Variants in ATP6V1H observed in about 807,000 individuals in gnomAD.
ATP6V1H encodes the protein V-type proton ATPase subunit H.
Under a neutral mutation model 71.7 loss-of-function variants are expected in ATP6V1H, and 39 were observed. The observed-to-expected ratio is 0.54, with a 90% CI of 0.42 to 0.71. ATP6V1H has a LOEUF of 0.71. Ranked by LOEUF, ATP6V1H falls within the 30% of genes least tolerant of loss-of-function variation. ATP6V1H has a pLI of 0.00. For synonymous variants in ATP6V1H, 192 were observed against 199.3 expected, an observed-to-expected ratio of 0.96 and a Z score of 0.31; for missense variants, 509 against 594.9, an observed-to-expected ratio of 0.86 and a Z score of 1.50.
chr8:53,732,431 A>AC (rs1320634978), intron 13 of ATP6V1H, among the ~76,000 whole-genome samples: 31 of 152,278 alleles, frequency 2.0e-4, no homozygotes, highest in Admixed American at 1.1e-3. Context: ...AGTTAAGCTA[A>AC]CCCCTCACAG....
At chr8:53,832,420 C>A (rs1448743561) in intron 3 of ATP6V1H, 1 of 152,070 alleles carries the variant, frequency 6.6e-6, no homozygotes, top group Non-Finnish European at 1.5e-5. Context: ...AAAAACTCCA[C>A]AACCCTTCAA....
At chr8:53,776,340 G>T (rs1177625579) in intron 9 of ATP6V1H, among the ~76,000 whole-genome samples, 3 of 152,204 alleles carry the variant, frequency 2.0e-5, no homozygotes, top group Admixed American at 2.0e-4. Flanking sequence ...CGAGAAAGGG[G>T]CTCCCACAGT....
rs771485720 is a variant in ATP6V1H at position 53,743,529 on chromosome 8, A to G, written c.1391+48T>C. The stretch of plus-strand genomic sequence containing the variant: ...ATAAGAACTTTTAGAATGGCAAGTG[A>G]GAGTTTGCAGACTAATGTACAAGTG... On this transcript the variant is annotated intron_variant, in intron 13 of 13. Transcript: ENST00000359530. The G allele has an allele frequency of 2.2e-6, 3 of 1,333,528 alleles. No homozygotes were observed. In the South Asian group the frequency reaches 3.6e-5, roughly 16 times the overall value. The allele number at this position is 1,333,528 out of a possible 1,614,324, so 82.6% of individuals were successfully genotyped here.
At chr8:53,750,708 C>G (rs972946919) in intron 12 of ATP6V1H, among the ~76,000 whole-genome samples, 1 of 152,078 alleles carries the variant, frequency 6.6e-6, no homozygotes, top group African/African-American at 2.4e-5. Context: ...AGACAACATT[C>G]TGACACTTCA....
chr8:53,826,370 T>C (rs2130509045), intron 4 of ATP6V1H, among the ~76,000 whole-genome samples: 1 of 152,344 alleles, frequency 6.6e-6, no homozygotes, highest in South Asian at 2.1e-4. Context: ...TCATGATTTC[T>C]AATTCTAAAA....
chr8:53,732,569 A>G (rs1167031254), intron 13 of ATP6V1H, among the ~76,000 whole-genome samples: 1 of 151,964 alleles, frequency 6.6e-6, no homozygotes, highest in African/African-American at 2.4e-5. Flanking sequence ...GAGCCAGTGT[A>G]CCCAGACCAA....
At chr8:53,728,817 C>T (rs1376721237) in intron 13 of ATP6V1H, among the ~76,000 whole-genome samples, 1 of 152,204 alleles carries the variant, frequency 6.6e-6, no homozygotes, top group Non-Finnish European at 1.5e-5. Context: ...CCAAGATAAA[C>T]ACTTCACTCA....
Position 53,763,905 on chromosome 8 carries a change from C to G in ATP6V1H, c.1175+5713G>C, listed in dbSNP as rs140205339. On this transcript the variant is annotated intron_variant, in intron 11 of 13. Coordinates refer to ENST00000359530, the MANE Select transcript of ATP6V1H (RefSeq NM_015941.4). ...AACTGACTCATTGCTAAAGATTTAA[C>G]AAGAACTAGCTAGAGAAATAAAAAC... 5.3e-5 allele frequency among the ~76,000 whole-genome samples: 8 copies of G among 152,300 alleles called. No homozygotes were observed. In the East Asian group the frequency reaches 1.5e-3, roughly 29 times the overall value.
At chr8:53,815,294 C>T (rs1353571766) in intron 5 of ATP6V1H, among the ~76,000 whole-genome samples, 1 of 152,176 alleles carries the variant, frequency 6.6e-6, no homozygotes, top group African/African-American at 2.4e-5. Flanking sequence ...CCATTTTCTT[C>T]AAGCTATAAA....
At chr8:53,808,786 G>A (rs1044748297) in intron 7 of ATP6V1H, among the ~76,000 whole-genome samples, 1 of 149,506 alleles carries the variant, frequency 6.7e-6, no homozygotes, top group Non-Finnish European at 1.5e-5. Flanking sequence ...GGGTGACAGA[G>A]TGAGACTCCA....
chr8:53,839,610 C>A (rs1811280690), intron 2 of ATP6V1H: 1 of 985,406 alleles, frequency 1.0e-6, no homozygotes, highest in Non-Finnish European at 1.2e-6. Flanking sequence ...CTAGACTTAT[C>A]ACCTACAAAC....
chr8:53,808,538 C>A (rs530888058), intron 7 of ATP6V1H, among the ~76,000 whole-genome samples: 1 of 152,260 alleles, frequency 6.6e-6, no homozygotes, highest in African/African-American at 2.4e-5. Context: ...AAGGCCAAGG[C>A]GGGTAGATTG....
intron 12 of ATP6V1H, among the ~76,000 whole-genome samples, chr8:53,749,317 C>T (rs1378031373): frequency 6.6e-6 from 1 of 152,182 alleles, no homozygotes; most frequent in African/African-American, 2.4e-5. Flanking sequence ...CCTGATAATT[C>T]TCCAGCAAAA....
intron 9 of ATP6V1H, among the ~76,000 whole-genome samples, chr8:53,781,497 T>A (rs1335098856): frequency 6.6e-6 from 1 of 152,262 alleles, no homozygotes; most frequent in Non-Finnish European, 1.5e-5. Context: ...GGTTGCCTGT[T>A]CACTCTGGTG....
chr8:53,841,376 G>A (rs777837675), intron 2 of ATP6V1H, among the ~76,000 whole-genome samples: 2 of 152,010 alleles, frequency 1.3e-5, no homozygotes, highest in Admixed American at 1.3e-4. Flanking sequence ...ACCATAAGCC[G>A]CTCTGCTTCC....
intron 9 of ATP6V1H, among the ~76,000 whole-genome samples, chr8:53,786,344 G>A (rs772558346): frequency 5.3e-5 from 8 of 152,180 alleles, no homozygotes; most frequent in African/African-American, 4.8e-5. Flanking sequence ...AGCCAGTTGC[G>A]GGATATAATC....
intron 8 of ATP6V1H, among the ~76,000 whole-genome samples, chr8:53,800,135 T>C (rs1482498987): frequency 6.6e-6 from 1 of 152,138 alleles, no homozygotes; most frequent in African/African-American, 2.4e-5. Context: ...TGCTGCATTT[T>C]CAATGCTGGG....
At position 53,777,401 on chromosome 8, in the gene ATP6V1H, T is replaced by C. The variant is rs142488524; in HGVS notation, c.871-5234A>G. On this transcript the variant is annotated intron_variant, in intron 9 of 13. Coordinates refer to ENST00000359530, the MANE Select transcript of ATP6V1H (RefSeq NM_015941.4). ...CTCATCAGAAACGATGGAGATGATT[T>C]TGCTGAGAGAGAGCATTAAAAAAAG... Among the ~76,000 whole-genome samples the C allele has an allele frequency of 2.2e-3, 338 of 152,140 alleles. 2 individuals are homozygous for C. The highest frequency in any genetic ancestry group is 7.9e-3 in the African/African-American group (327 of 41,506).
At chr8:53,817,285 C>T (rs1451890541) in intron 5 of ATP6V1H, 132 bp downstream of exon 5, 3 of 516,642 alleles carry the variant, frequency 5.8e-6, no homozygotes, top group African/African-American at 2.0e-5. Context: ...CACCTGTAAT[C>T]CCAGCACTTT....
Sources: allele counts gnomAD v4.1 joint callset (sites outside exome capture counted in the v4.1 genomes callset), GRCh38; gene constraint gnomAD v4.1.1; transcripts MANE v1.5; gene names NCBI Gene and HGNC (gene_info 2026-07-23, HGNC 2026-07-21).